Variants in ITPR2 observed in about 807,000 individuals in gnomAD.
ITPR2 encodes the protein inositol 1,4,5-trisphosphate-gated calcium channel ITPR2.
ITPR2 carries 207 observed loss-of-function variants against 317.1 expected under a neutral mutation model. The observed-to-expected ratio is 0.65, with a 90% CI of 0.58 to 0.73. The LOEUF is 0.73. ITPR2 is among the 30% of genes least tolerant of loss of function. The pLI is 0.00. For synonymous variants in ITPR2, 1,156 were observed against 1,149.1 expected, an observed-to-expected ratio of 1.01 and a Z score of -0.12; for missense variants, 2,613 against 3,284.0, an observed-to-expected ratio of 0.80 and a Z score of 4.99.
chr12:26,385,201 C>T (rs958080817), intron 55 of ITPR2, among the ~76,000 whole-genome samples: 2 of 152,158 alleles, frequency 1.3e-5, no homozygotes, highest in East Asian at 1.9e-4. Context: ...ATACTCCTGG[C>T]TCCAAGGCTC....
At position 26,623,091 on chromosome 12, in the gene ITPR2, A is replaced by G. The variant is rs192903501; in HGVS notation, c.3123-686T>C. Among the ~76,000 whole-genome samples, 35 of 152,292 alleles carry G rather than the reference A, an allele frequency of 2.3e-4. No individual in the cohort carries two copies. In the East Asian group the frequency reaches 6.2e-3, roughly 27 times the overall value. Reference sequence around the variant, plus strand: ...TTCTTGATTCTTGTTTGTCTTTCCAATGACAACAACAAAAACTGCAATAAG... The same window carrying G: ...TTCTTGATTCTTGTTTGTCTTTCCAGTGACAACAACAAAAACTGCAATAAG... On this transcript the variant is annotated intron_variant, in intron 24 of 56. Coordinates refer to ENST00000381340, the MANE Select transcript of ITPR2 (RefSeq NM_002223.4).
chr12:26,541,610 T>C (rs555853035), intron 37 of ITPR2, among the ~76,000 whole-genome samples: 31 of 152,372 alleles, frequency 2.0e-4, no homozygotes, highest in Non-Finnish European at 4.4e-4. Flanking sequence ...ATTTGCCTGC[T>C]AGAAACTGAA....
At chr12:26,531,654 T>TAA (rs1943946064) in intron 37 of ITPR2, among the ~76,000 whole-genome samples, 1 of 138,676 alleles carries the variant, frequency 7.2e-6, no homozygotes, top group Non-Finnish European at 1.6e-5. Flanking sequence ...TTACTGTATT[T>TAA]ACACACACAC....
At chr12:26,609,661 T>A (rs1946219548) in intron 26 of ITPR2, among the ~76,000 whole-genome samples, 1 of 151,924 alleles carries the variant, frequency 6.6e-6, no homozygotes, top group African/African-American at 2.4e-5. Context: ...ATTTATAGCA[T>A]GAAGGGAAAT....
chr12:26,387,393 G>A (rs1939697623), intron 55 of ITPR2, 41 bp downstream of exon 55: 4 of 1,584,548 alleles, frequency 2.5e-6, no homozygotes, highest in Non-Finnish European at 3.5e-6. Flanking sequence ...AAGCCTAAAA[G>A]ATACAATATA....
intron 37 of ITPR2, among the ~76,000 whole-genome samples, chr12:26,516,382 A>G (rs988773996): frequency 2.8e-5 from 4 of 143,702 alleles, no homozygotes; most frequent in Admixed American, 1.4e-4. Flanking sequence ...CTGAGGAACT[A>G]CTGTTATGAA....
chr12:26,493,046 G>A (rs946695770), intron 39 of ITPR2, among the ~76,000 whole-genome samples: 1 of 151,888 alleles, frequency 6.6e-6, no homozygotes, highest in Non-Finnish European at 1.5e-5. Context: ...GTTCAGATAA[G>A]ATAATTTCCA....
intron 37 of ITPR2, among the ~76,000 whole-genome samples, chr12:26,505,209 C>A (rs1003222118): frequency 6.6e-6 from 1 of 152,182 alleles, no homozygotes; most frequent in Non-Finnish European, 1.5e-5. Context: ...ATCATGATGA[C>A]AGCTTCCTAC....
intron 37 of ITPR2, among the ~76,000 whole-genome samples, chr12:26,543,739 A>C (rs1169512040): frequency 2.6e-5 from 4 of 152,212 alleles, no homozygotes; most frequent in Non-Finnish European, 5.9e-5. Context: ...ACTGCACTCC[A>C]GCCTGGGTGG....
chr12:26,343,519 T>C (rs1289063337), intron 55 of ITPR2, among the ~76,000 whole-genome samples: 1 of 152,186 alleles, frequency 6.6e-6, no homozygotes, highest in Non-Finnish European at 1.5e-5. Flanking sequence ...ACTGTACACT[T>C]TAATGGTAAA....
intron 21 of ITPR2, among the ~76,000 whole-genome samples, chr12:26,633,379 G>C (rs1399176107): frequency 6.6e-6 from 1 of 152,204 alleles, no homozygotes; most frequent in Non-Finnish European, 1.5e-5. Context: ...TTAAGTGTAA[G>C]AGGGTAGTGC....
At chr12:26,779,480 G>C (rs1950039072) in intron 2 of ITPR2, among the ~76,000 whole-genome samples, 1 of 152,190 alleles carries the variant, frequency 6.6e-6, no homozygotes, top group African/African-American at 2.4e-5. Context: ...GAAGGCACAA[G>C]TCAGTTACAT....
intron 36 of ITPR2, among the ~76,000 whole-genome samples, chr12:26,555,371 T>G (rs1470844444): frequency 2.0e-5 from 3 of 152,158 alleles, no homozygotes; most frequent in African/African-American, 7.2e-5. Context: ...GGCAAGCTCA[T>G]CTCACTGACT....
chr12:26,679,243 A>G (rs952942925), intron 13 of ITPR2, among the ~76,000 whole-genome samples: 6 of 152,138 alleles, frequency 3.9e-5, no homozygotes, highest in African/African-American at 1.4e-4. Context: ...TTTGCCAGGG[A>G]AAAAAATAGA....
chr12:26,636,449 TAATA>T (rs1428918901), intron 21 of ITPR2, among the ~76,000 whole-genome samples: 1 of 152,186 alleles, frequency 6.6e-6, no homozygotes, highest in Admixed American at 6.5e-5. Context: ...AACTCTTATT[TAATA>T]AATGTTTGTC....
In ITPR2 at chr12:26,487,149, C is replaced by T. The variant is rs1217623735; in HGVS notation, c.5473G>A (p.Val1825Met). ...CCTAAATCTATGGTATTAACTGTCA[C>T]TGTTGATCTTATTTCTTTCTGAGCA... ...KAAQKEIRSTVTVNTIDLGNK... is the reference protein window; with the variant it reads ...KAAQKEIRSTMTVNTIDLGNK... The change falls in exon 40 of 57, where the codon GTG becomes ATG. Residue 1825 changes from valine to methionine, a missense_variant. Val to Met is a conservative substitution (Grantham distance 21). Coordinates refer to ENST00000381340, the MANE Select transcript of ITPR2 (RefSeq NM_002223.4). 1 of 1,613,300 alleles carries T rather than the reference C, an allele frequency of 6.2e-7. No individual in the cohort carries two copies. Among genetic ancestry groups the T allele is most frequent in the East Asian group, 2.2e-5 (1 of 44,858 alleles).
intron 39 of ITPR2, among the ~76,000 whole-genome samples, chr12:26,489,906 G>C (rs141060362): frequency 2.0e-5 from 3 of 152,260 alleles, no homozygotes; most frequent in African/African-American, 7.2e-5. Context: ...AAGTGTCTTG[G>C]GGAGGAGTGC....
intron 32 of ITPR2, among the ~76,000 whole-genome samples, chr12:26,591,890 A>G (rs182755625): frequency 9.7e-4 from 148 of 152,014 alleles, no homozygotes; most frequent in African/African-American, 3.4e-3. Context: ...CAACAATCTC[A>G]CTTCTGGATA....
At chr12:26,670,530 C>T (rs1947743042) in intron 13 of ITPR2, among the ~76,000 whole-genome samples, 1 of 152,142 alleles carries the variant, frequency 6.6e-6, no homozygotes, top group East Asian at 1.9e-4. Context: ...AAAGGACATC[C>T]ACACCAAAAA....
Sources: gnomAD v4.1 joint callset for allele counts (sites outside exome capture counted in the v4.1 genomes callset) on GRCh38, gnomAD v4.1.1 for gene constraint, MANE v1.5 for transcripts, NCBI Gene and HGNC (gene_info 2026-07-23, HGNC 2026-07-21) for gene names.